Variants in NRXN1 observed in about 807,000 individuals in gnomAD.
NRXN1 encodes the protein neurexin 1.
NRXN1 carries 39 observed loss-of-function variants against 150.9 expected under a neutral mutation model. The observed-to-expected ratio is 0.26, with a 90% CI of 0.20 to 0.34. The LOEUF (loss-of-function observed/expected upper bound fraction) is 0.34. Among genes scored for constraint, NRXN1 ranks in the 10% least tolerant of loss-of-function variants. NRXN1 has a pLI of 1.00. For synonymous variants in NRXN1, 924 were observed against 757.0 expected, an observed-to-expected ratio of 1.22 and a Z score of -3.62; for missense variants, 1,815 against 1,949.9, an observed-to-expected ratio of 0.93 and a Z score of 1.30.
intron 17 of NRXN1, among the ~76,000 whole-genome samples, chr2:50,339,958 A>G (rs1489211226): frequency 6.6e-6 from 1 of 152,222 alleles, no homozygotes; most frequent in South Asian, 2.1e-4. Flanking sequence ...ATGCTGGGAC[A>G]AATTTCAGGT....
At chr2:50,918,708 A>G in intron 5 of NRXN1, 1 of 335,852 alleles carries the variant, frequency 3.0e-6, no homozygotes, top group Non-Finnish European at 5.5e-6. Flanking sequence ...ACATAGGAAA[A>G]GAAACAAGAA....
intron 15 of NRXN1, among the ~76,000 whole-genome samples, 158 bp from the exon 16 acceptor site, chr2:50,472,629 C>T (rs866214946): frequency 2.1e-4 from 31 of 149,008 alleles, no homozygotes; most frequent in Admixed American, 1.1e-3. Context: ...ACAATAGAGA[C>T]GTTTGAATAA....
intron 15 of NRXN1, among the ~76,000 whole-genome samples, chr2:50,495,426 TG>T (rs2091535575): frequency 7.9e-6 from 1 of 126,802 alleles, no homozygotes; most frequent in Non-Finnish European, 1.6e-5. Context: ...TGTGTTGGGA[TG>T]GGGGATAGAA....
Position 50,343,469 on chromosome 2 carries a change from A to C in NRXN1, c.3365-106499T>G, listed in dbSNP as rs538937750. ...GTTCTCCCTCTATTTAACTAGAAAA[A>C]AAAAACACAATTTTTCTATGGAGGT... On this transcript the variant is annotated intron_variant, in intron 17 of 22. Transcript: ENST00000401669. 2.0e-5 allele frequency among the ~76,000 whole-genome samples: 3 copies of C among 152,296 alleles called. No individual in the cohort carries two copies. The East Asian group carries it at 5.8e-4, about 29-fold the overall frequency.
intron 19 of NRXN1, among the ~76,000 whole-genome samples, chr2:50,055,722 T>C (rs565120490): frequency 5.9e-5 from 9 of 152,348 alleles, no homozygotes; most frequent in Admixed American, 2.0e-4. Flanking sequence ...TTTATTTGAG[T>C]GTCCTTGAGT....
chr2:49,969,581 C>T (rs576517974), intron 21 of NRXN1: 4 of 152,042 alleles, frequency 2.6e-5, no homozygotes, highest in Non-Finnish European at 5.9e-5. Flanking sequence ...ATAATCTATA[C>T]ATTTGCATAT....
chr2:50,966,254 G>C (rs1050414609), intron 2 of NRXN1, among the ~76,000 whole-genome samples: 1 of 151,112 alleles, frequency 6.6e-6, no homozygotes, highest in African/African-American at 2.4e-5. Flanking sequence ...GTTATAAAAT[G>C]TCAGGTGCTG....
At chr2:50,000,169 C>T (rs1683666550) in intron 21 of NRXN1, among the ~76,000 whole-genome samples, 1 of 152,120 alleles carries the variant, frequency 6.6e-6, no homozygotes, top group Admixed American at 6.6e-5. Flanking sequence ...ACTAAAAGTG[C>T]AAGCTATAGA....
chr2:50,306,287 T>C (rs1263311565), intron 17 of NRXN1, among the ~76,000 whole-genome samples: 1 of 152,200 alleles, frequency 6.6e-6, no homozygotes, highest in Non-Finnish European at 1.5e-5. Flanking sequence ...GGTCTTTTAC[T>C]AATAAAATAG....
chr2:50,298,054 A>G (rs977128000), intron 17 of NRXN1, among the ~76,000 whole-genome samples: 2 of 152,054 alleles, frequency 1.3e-5, no homozygotes, highest in Admixed American at 6.6e-5. Flanking sequence ...TAATTTTAAT[A>G]TTAAAATATT....
At chr2:50,685,384 T>G (rs959383416) in intron 5 of NRXN1, among the ~76,000 whole-genome samples, 1 of 152,176 alleles carries the variant, frequency 6.6e-6, no homozygotes, top group Admixed American at 6.5e-5. Context: ...CTGACCTTAC[T>G]GCCATATCAT....
At chr2:50,252,721 G>C (rs964162722) in intron 17 of NRXN1, among the ~76,000 whole-genome samples, 1 of 152,090 alleles carries the variant, frequency 6.6e-6, no homozygotes. Flanking sequence ...TCGAAGATCA[G>C]GTGGTTGTAG....
chr2:50,095,742 G>A (rs1961358), intron 18 of NRXN1, among the ~76,000 whole-genome samples: 36,737 of 149,122 alleles, frequency 0.25, 4,895 homozygotes, highest in Admixed American at 0.39. Flanking sequence ...ATGAGCATCC[G>A]TGATGCTTGG....
rs13395486 is a variant in NRXN1, at chr2:50,541,949, C to T, written c.1760-3313G>A. The stretch of plus-strand genomic sequence containing the variant: ...AAGAGTAAGTTTCTCCCATAGTTCC[C>T]TATTGTCCCTTTGAGAGACAATTGT... On this transcript the variant is annotated intron_variant, in intron 9 of 22. Coordinates refer to ENST00000401669, the MANE Select transcript of NRXN1 (RefSeq NM_001330078.2). Among the ~76,000 whole-genome samples, 813 of 152,248 alleles carry T rather than the reference C, an allele frequency of 5.3e-3. 6 individuals are homozygous for T. The highest frequency in any genetic ancestry group is 0.019 in the African/African-American group (779 of 41,544).
intron 18 of NRXN1, among the ~76,000 whole-genome samples, chr2:50,139,723 T>C (rs1706985606): frequency 1.3e-5 from 2 of 152,192 alleles, no homozygotes; most frequent in Non-Finnish European, 2.9e-5. Context: ...TAATTGGAAA[T>C]GTTAAATTTT....
chr2:50,985,986 G>A (rs779242290), intron 2 of NRXN1, among the ~76,000 whole-genome samples: 1 of 151,550 alleles, frequency 6.6e-6, no homozygotes, highest in Non-Finnish European at 1.5e-5. Flanking sequence ...AGAAATTACA[G>A]AGAAAATGAA....
intron 1 of NRXN1, among the ~76,000 whole-genome samples, chr2:51,029,817 G>C (rs1210172447): frequency 6.6e-6 from 1 of 152,076 alleles, no homozygotes; most frequent in African/African-American, 2.4e-5. Flanking sequence ...TTATGTTTTT[G>C]GCATTGTCTC....
chr2:50,028,534 C>T (rs950111949), intron 21 of NRXN1, among the ~76,000 whole-genome samples: 1 of 152,170 alleles, frequency 6.6e-6, no homozygotes, highest in African/African-American at 2.4e-5. Context: ...TTAGTATCAG[C>T]ATTAAAACAA....
chr2:50,775,926 G>T (rs761558171), intron 5 of NRXN1, among the ~76,000 whole-genome samples: 1 of 152,024 alleles, frequency 6.6e-6, no homozygotes. Flanking sequence ...TGTTTAATTG[G>T]GTGTGGTGTG....
Sources: gnomAD v4.1 joint callset for allele counts (sites outside exome capture counted in the v4.1 genomes callset) on GRCh38, gnomAD v4.1.1 for gene constraint, MANE v1.5 for transcripts, NCBI Gene and HGNC (gene_info 2026-07-23, HGNC 2026-07-21) for gene names.